The following SLC35F3 variants were observed in gnomAD, a reference collection of about 807,000 sequenced individuals.
SLC35F3 encodes solute carrier family 35 member F3, also known as putative thiamine transporter SLC35F3.
A neutral mutation model predicts 49.9 loss-of-function variants in SLC35F3; 25 were observed. The ratio of observed to expected loss-of-function variants is 0.50; its 90% CI spans 0.37 to 0.70. SLC35F3 has a LOEUF of 0.70. Among genes scored for constraint, SLC35F3 ranks in the 30% least tolerant of loss-of-function variants. The pLI is 0.00. For synonymous variants in SLC35F3, 275 were observed against 265.4 expected (o/e 1.04, Z -0.35); for missense variants, 525 against 639.8 (o/e 0.82, Z 1.94).
intron 2 of SLC35F3, among the ~76,000 whole-genome samples, chr1:234,074,204 G>A (rs1045062963): frequency 1.3e-5 from 2 of 152,096 alleles, no homozygotes; most frequent in Admixed American, 1.3e-4. Flanking sequence ...AAGGTCACGG[G>A]TCACATGGCT....
At chr1:234,108,523 A>G (rs1463267301) in intron 2 of SLC35F3, among the ~76,000 whole-genome samples, 1 of 106,694 alleles carries the variant, frequency 9.4e-6, no homozygotes, top group Admixed American at 1.3e-4. Flanking sequence ...GATATATATT[A>G]TTTATATATA....
At position 233,980,148 on chromosome 1, in the gene SLC35F3, A is replaced by G. The variant is rs142691433; in HGVS notation, c.283+74390A>G. 9.4e-3 allele frequency among the ~76,000 whole-genome samples: 1,429 copies of G among 152,352 alleles called. 18 individuals carry two copies. The highest frequency in any genetic ancestry group is 0.039 in the South Asian group (190 of 4,828). ...CACACAGCCTTGTGAAGAACATAGAATATGCCCTTGAAGGATGAGGAGGAC... is the reference window on the plus strand; with the variant it reads ...CACACAGCCTTGTGAAGAACATAGAGTATGCCCTTGAAGGATGAGGAGGAC... On this transcript the variant is annotated intron_variant, in intron 2 of 7. Transcript: ENST00000366618.
intron 2 of SLC35F3, among the ~76,000 whole-genome samples, chr1:234,120,805 C>G (rs1665559064): frequency 6.6e-6 from 1 of 152,200 alleles, no homozygotes; most frequent in Non-Finnish European, 1.5e-5. Context: ...GTTCTCCACT[C>G]AGTCCTACTT....
intron 2 of SLC35F3, among the ~76,000 whole-genome samples, chr1:234,054,047 A>C (rs1001425736): frequency 1.3e-5 from 2 of 152,154 alleles, no homozygotes; most frequent in South Asian, 4.1e-4. Flanking sequence ...GTGGGTAACC[A>C]GACCTTTCTC....
At chr1:234,304,838 A>G (rs1358572832) in intron 3 of SLC35F3, among the ~76,000 whole-genome samples, 3 of 152,234 alleles carry the variant, frequency 2.0e-5, no homozygotes, top group Non-Finnish European at 2.9e-5. Context: ...GAGTTGGAAT[A>G]TAAAGTCAAG....
chr1:234,206,942 C>T (rs936097397), intron 2 of SLC35F3, among the ~76,000 whole-genome samples: 4 of 152,088 alleles, frequency 2.6e-5, no homozygotes, highest in African/African-American at 7.2e-5. Context: ...CGTCTTCCTC[C>T]GACTCAAGCC....
intron 2 of SLC35F3, among the ~76,000 whole-genome samples, chr1:234,197,861 C>T (rs147873884): frequency 1.2e-3 from 179 of 152,338 alleles, no homozygotes; most frequent in African/African-American, 4.0e-3. Context: ...AATAACACAT[C>T]TGTTGTGTTG....
chr1:233,925,594 A>G (rs2102790452), intron 2 of SLC35F3, among the ~76,000 whole-genome samples: 1 of 152,256 alleles, frequency 6.6e-6, no homozygotes, highest in Middle Eastern at 3.4e-3. Context: ...CCAATTTGCC[A>G]GTCTGTGTCT....
At chr1:234,259,686 T>C (rs1667873275) in intron 3 of SLC35F3, among the ~76,000 whole-genome samples, 1 of 151,120 alleles carries the variant, frequency 6.6e-6, no homozygotes, top group Admixed American at 6.6e-5. Context: ...ATAATAATAA[T>C]GATAATAATA....
intron 3 of SLC35F3, among the ~76,000 whole-genome samples, chr1:234,297,754 A>C (rs1370938000): frequency 6.6e-6 from 1 of 152,052 alleles, no homozygotes; most frequent in Admixed American, 6.6e-5. Flanking sequence ...AAAAAAAAAA[A>C]AAAAAACAGT....
chr1:233,904,719 A>G lies in SLC35F3; in HGVS notation c.-359A>G, dbSNP rs1433078079. The stretch of plus-strand genomic sequence containing the variant: ...CCGACCAGGTGCCTCGAGAGCGCAC[A>G]GCTGGGAGGGCTCTCCCGGTCGCGG... On this transcript the variant is annotated 5_prime_UTR_variant, in exon 1 of 8. Transcript: ENST00000366618. Among the ~76,000 whole-genome samples the G allele has an allele frequency of 1.3e-5, 2 of 151,844 alleles. No individual in the cohort carries two copies. The highest frequency in any genetic ancestry group is 2.4e-5 in the African/African-American group (1 of 41,414).
chr1:234,305,648 G>T (rs1027816997), intron 3 of SLC35F3, among the ~76,000 whole-genome samples: 2 of 152,142 alleles, frequency 1.3e-5, no homozygotes, highest in Admixed American at 6.5e-5. Context: ...CTCCCAAAGT[G>T]CTGGGATTAC....
chr1:234,140,568 G>A (rs1665899939), intron 2 of SLC35F3, among the ~76,000 whole-genome samples: 1 of 152,150 alleles, frequency 6.6e-6, no homozygotes, highest in South Asian at 2.1e-4. Context: ...GTCTACTGTA[G>A]TGGAATGATA....
chr1:233,922,453 T>G (rs1358996960), intron 2 of SLC35F3, among the ~76,000 whole-genome samples: 1 of 151,774 alleles, frequency 6.6e-6, no homozygotes. Flanking sequence ...TTGAGAAGTG[T>G]CTGTTCATAT....
intron 2 of SLC35F3, among the ~76,000 whole-genome samples, chr1:234,071,651 A>G (rs556779420): frequency 5.5e-4 from 84 of 152,382 alleles, no homozygotes; most frequent in Non-Finnish European, 9.8e-4. Flanking sequence ...CATGTTATTC[A>G]GATCTATGAA....
chr1:233,967,621 A>G (rs1214415044), intron 2 of SLC35F3, among the ~76,000 whole-genome samples: 1 of 152,224 alleles, frequency 6.6e-6, no homozygotes, highest in East Asian at 1.9e-4. Flanking sequence ...CCAATGTGGA[A>G]CCCAGTAAGA....
chr1:234,306,749 C>T (rs2102992798), intron 3 of SLC35F3, among the ~76,000 whole-genome samples: 1 of 152,284 alleles, frequency 6.6e-6, no homozygotes, highest in Non-Finnish European at 1.5e-5. Context: ...CAAGCCATAT[C>T]TGTGCCCTAC....
chr1:234,254,437 T>A (rs1362214674), intron 3 of SLC35F3, among the ~76,000 whole-genome samples: 1 of 152,296 alleles, frequency 6.6e-6, no homozygotes, highest in Non-Finnish European at 1.5e-5. Context: ...GAGAGAAATG[T>A]CACCATCTTC....
chr1:234,195,847 C>A (rs1024883738), intron 2 of SLC35F3, among the ~76,000 whole-genome samples: 8 of 152,120 alleles, frequency 5.3e-5, no homozygotes, highest in Admixed American at 3.9e-4. Flanking sequence ...CTCACAAGAT[C>A]TGATGGTTTT....
Sources: allele counts gnomAD v4.1 joint callset (sites outside exome capture counted in the v4.1 genomes callset), GRCh38; gene constraint gnomAD v4.1.1; transcripts MANE v1.5; gene names NCBI Gene and HGNC (gene_info 2026-07-23, HGNC 2026-07-21).